MECOM: variants seen among roughly 807,000 people sequenced by gnomAD.
MECOM encodes the protein histone-lysine N-methyltransferase MECOM.
A neutral mutation model predicts 116.3 loss-of-function variants in MECOM; 13 were observed. The observed-to-expected ratio is 0.11, with a 90% CI of 0.07 to 0.18. MECOM has a LOEUF of 0.18. Ranked by LOEUF, MECOM falls within the 10% of genes least tolerant of loss-of-function variation. The pLI is 1.00. For synonymous variants in MECOM, 528 were observed against 535.2 expected, an observed-to-expected ratio of 0.99 and a Z score of 0.19; for missense variants, 1,299 against 1,509.0, an observed-to-expected ratio of 0.86 and a Z score of 2.31.
rs558089347 is a variant in MECOM, at chr3:169,505,991, A to G, written c.38-124467T>C. Among the ~76,000 whole-genome samples the G allele has an allele frequency of 2.0e-5, 3 of 152,348 alleles. No homozygotes were observed. In the South Asian group the frequency reaches 6.2e-4, roughly 32 times the overall value. On this transcript the variant is annotated intron_variant, in intron 1 of 16. Transcript: ENST00000651503. The stretch of plus-strand genomic sequence containing the variant: ...AATTCTGCCTCCAAACAAGGAGGAC[A>G]AGAGCTCACTAATTTGAAGATCAAA...
chr3:169,137,403 A>G (rs1172602084), intron 3 of MECOM, among the ~76,000 whole-genome samples: 4 of 152,098 alleles, frequency 2.6e-5, no homozygotes, highest in Admixed American at 1.3e-4. Flanking sequence ...TATCTGCAGG[A>G]AGGATCCTAT....
In MECOM at chr3:169,559,125, C is replaced by T. The variant is rs566085105; in HGVS notation, c.37+104211G>A. Among the ~76,000 whole-genome samples the T allele has an allele frequency of 9.2e-5, 14 of 151,948 alleles. No individual in the cohort carries two copies. In the South Asian group the frequency reaches 2.9e-3, roughly 32 times the overall value. On this transcript the variant is annotated intron_variant, in intron 1 of 16. Transcript: ENST00000651503. The stretch of plus-strand genomic sequence containing the variant: ...ACTGCCAACAACCCACTAGCAGGGG[C>T]GAAGTTTGGATGCCAAAAGACATTG...
At chr3:169,378,579 AAAGAAAGTAAGT>A (rs200084308) in intron 2 of MECOM, among the ~76,000 whole-genome samples, 6,558 of 86,422 alleles carry the variant, frequency 0.076, 859 homozygotes, top group Middle Eastern at 0.11. Flanking sequence ...AGAAAGAAAG[AAAGAAAGTAAGT>A]AAGTAAGTTT....
intron 1 of MECOM, among the ~76,000 whole-genome samples, chr3:169,526,331 T>C (rs958356687): frequency 5.3e-5 from 8 of 152,114 alleles, no homozygotes; most frequent in African/African-American, 1.9e-4. Context: ...ATATATATAA[T>C]ATACAAAATG....
intron 1 of MECOM, among the ~76,000 whole-genome samples, chr3:169,425,101 C>CG (rs976116789): frequency 4.3e-4 from 64 of 147,926 alleles, no homozygotes; most frequent in African/African-American, 1.5e-3. Context: ...TTGCAGAAAC[C>CG]CCCCCCCACT....
chr3:169,623,417 GCAATTAATC>G (rs768443272), intron 1 of MECOM, among the ~76,000 whole-genome samples: 36 of 152,042 alleles, frequency 2.4e-4, no homozygotes, highest in Non-Finnish European at 4.6e-4. Flanking sequence ...CACTGAACAA[GCAATTAATC>G]AATTCTAGGA....
At chr3:169,264,967 AT>A (rs1432029573) in intron 2 of MECOM, among the ~76,000 whole-genome samples, 1 of 152,110 alleles carries the variant, frequency 6.6e-6, no homozygotes, top group Non-Finnish European at 1.5e-5. Flanking sequence ...GAGTAGTTAC[AT>A]TAGTCAGGAA....
intron 12 of MECOM, among the ~76,000 whole-genome samples, chr3:169,096,396 G>A (rs1445917515): frequency 1.3e-5 from 2 of 151,496 alleles, no homozygotes; most frequent in African/African-American, 4.9e-5. Context: ...TCAGCCTCCC[G>A]AGTAGCTGGG....
intron 1 of MECOM, among the ~76,000 whole-genome samples, chr3:169,423,143 C>T (rs1390876900): frequency 1.3e-5 from 2 of 152,024 alleles, no homozygotes; most frequent in African/African-American, 4.8e-5. Context: ...CTAGGAGATT[C>T]TAATGCTGCT....
intron 2 of MECOM, among the ~76,000 whole-genome samples, chr3:169,307,491 C>T (rs960594900): frequency 2.0e-5 from 3 of 152,050 alleles, no homozygotes; most frequent in Non-Finnish European, 4.4e-5. Flanking sequence ...ATTGCTTGAG[C>T]CCAGAAGGTC....
intron 2 of MECOM, among the ~76,000 whole-genome samples, chr3:169,281,625 A>G (rs955249173): frequency 1.3e-5 from 2 of 152,150 alleles, no homozygotes; most frequent in African/African-American, 2.4e-5. Flanking sequence ...AACCTGGGCA[A>G]CATGGCAAAA....
intron 1 of MECOM, among the ~76,000 whole-genome samples, chr3:169,517,064 A>T (rs2109058147): frequency 6.6e-6 from 1 of 152,306 alleles, no homozygotes; most frequent in Non-Finnish European, 1.5e-5. Context: ...AATATTATAG[A>T]TGAAATCCAT....
intron 1 of MECOM, chr3:169,483,646 A>T (rs1751706848): frequency 1.4e-6 from 2 of 1,468,974 alleles, no homozygotes; most frequent in Non-Finnish European, 1.8e-6. Context: ...AAGAACTCAT[A>T]CAAAATTTTC....
At chr3:169,409,410 A>C (rs1213490897) in intron 1 of MECOM, among the ~76,000 whole-genome samples, 1 of 152,190 alleles carries the variant, frequency 6.6e-6, no homozygotes, top group African/African-American at 2.4e-5. Context: ...TCTGCTTAAA[A>C]TCACTTAGCA....
intron 1 of MECOM, among the ~76,000 whole-genome samples, chr3:169,537,579 C>T (rs763457334): frequency 6.6e-6 from 1 of 152,134 alleles, no homozygotes; most frequent in Non-Finnish European, 1.5e-5. Context: ...TTATAATTGA[C>T]AGGCTAAAGT....
intron 2 of MECOM, among the ~76,000 whole-genome samples, chr3:169,263,490 C>G (rs1371357001): frequency 1.3e-5 from 2 of 150,980 alleles, no homozygotes; most frequent in Non-Finnish European, 2.9e-5. Context: ...CTAGGTGTGA[C>G]TCTCTCTTTT....
intron 2 of MECOM, among the ~76,000 whole-genome samples, chr3:169,162,732 A>G (rs1452162006): frequency 2.0e-5 from 3 of 152,142 alleles, no homozygotes; most frequent in Admixed American, 2.0e-4. Flanking sequence ...TGTGTTCCAA[A>G]CAGATAGATT....
At chr3:169,595,416 AAC>A (rs955072441) in intron 1 of MECOM, among the ~76,000 whole-genome samples, 7 of 152,214 alleles carry the variant, frequency 4.6e-5, no homozygotes, top group African/African-American at 1.7e-4. Flanking sequence ...ATTAAAGTTA[AAC>A]AGTTTCTACA....
intron 1 of MECOM, among the ~76,000 whole-genome samples, chr3:169,547,901 G>A (rs897723875): frequency 2.0e-5 from 3 of 152,110 alleles, no homozygotes; most frequent in African/African-American, 4.8e-5. Flanking sequence ...GCCATTAATA[G>A]GAGAGAAGCA....
Sources: allele counts gnomAD v4.1 joint callset (sites outside exome capture counted in the v4.1 genomes callset), GRCh38; gene constraint gnomAD v4.1.1; transcripts MANE v1.5; gene names NCBI Gene and HGNC (gene_info 2026-07-23, HGNC 2026-07-21).